Variants in ZNF774 observed in about 807,000 individuals in gnomAD.
The protein encoded by ZNF774 is zinc finger protein 774.
ZNF774 carries 14 observed loss-of-function variants against 11.1 expected under a neutral mutation model. The observed-to-expected ratio is 1.26, with a 90% CI of 0.83 to 1.97. ZNF774 has a LOEUF of 1.97. Among genes scored for constraint, ZNF774 ranks in the 30% most tolerant of loss-of-function variants. ZNF774 has a pLI of 0.00. For synonymous variants in ZNF774, 195 were observed against 212.6 expected, an observed-to-expected ratio of 0.92 and a Z score of 0.72; for missense variants, 599 against 587.0, an observed-to-expected ratio of 1.02 and a Z score of -0.21.
intron 2 of ZNF774, 72 bp from the exon 3 acceptor site, chr15:90,358,779 T>C: frequency 8.0e-7 from 1 of 1,246,378 alleles, no homozygotes. Context: ...AGGCAGGGAG[T>C]AGGGCTTGGA....
At chr15:90,359,285 G>T (rs1402198552) in intron 3 of ZNF774, among the ~76,000 whole-genome samples, 1 of 149,576 alleles carries the variant, frequency 6.7e-6, no homozygotes, top group Non-Finnish European at 1.5e-5. Flanking sequence ...TGTTAGCCAG[G>T]ATGGTCTCGA....
chr15:90,353,218 C>T (rs1311688830), intron 1 of ZNF774, among the ~76,000 whole-genome samples: 4 of 152,108 alleles, frequency 2.6e-5, no homozygotes, highest in African/African-American at 9.7e-5. Flanking sequence ...CCGCCCGTCT[C>T]GTCTTCCCAA....
In ZNF774 at chr15:90,360,866, G is replaced by T. The variant is rs1567102747; in HGVS notation, c.1035G>T (p.Arg345Ser). The change falls in exon 4 of 4, where the codon AGG becomes AGT. Residue 345 changes from arginine (R) to serine (S), a missense_variant. Arg to Ser is a moderately radical substitution (Grantham distance 110, BLOSUM62 -1). Transcript: ENST00000354377. ...ACATGAGCACTCATTCAGGAGAGAG[G>T]CCTTTCAGTTGTCCTGACTGCCACA... is the stretch of plus-strand genomic sequence containing the variant. ...VAHMSTHSGE[R>S]PFSCPDCHKS... 5.6e-6 allele frequency: 9 copies of T among 1,614,112 alleles called. No homozygotes were observed. Among genetic ancestry groups the T allele is most frequent in the South Asian group, 4.4e-5 (4 of 91,074 alleles).
At chr15:90,355,185 G>A (rs1964227071) in intron 2 of ZNF774, among the ~76,000 whole-genome samples, 1 of 152,180 alleles carries the variant, frequency 6.6e-6, no homozygotes, top group Admixed American at 6.5e-5. Flanking sequence ...TGGTATGTTG[G>A]CATCTTAGAG....
Position 90,360,293 on chromosome 15 carries a change from AGAATGCGG to A in ZNF774, c.466_473del (p.Cys156LysfsTer3). On this transcript the variant is annotated frameshift_variant, in exon 4 of 4. Transcript: ENST00000354377. LOFTEE classifies it low-confidence loss of function (END_TRUNC). ...ATGTAGGAGAGAAGCCTATGTGTGC[AGAATGCGG>A]GAAAAGCTTTAACCAGAGTTCCTAT... is the stretch of plus-strand genomic sequence containing the variant. 1 of 1,614,134 alleles carries A rather than the reference AGAATGCGG, an allele frequency of 6.2e-7. No homozygotes were observed. The highest frequency in any genetic ancestry group is 1.1e-5 in the South Asian group (1 of 91,090).
At position 90,362,627 on chromosome 15, in the gene ZNF774, G is replaced by A. The variant is rs897515996; in HGVS notation, c.*1344G>A. On this transcript the variant is annotated 3_prime_UTR_variant, in exon 4 of 4. Transcript: ENST00000354377. ...CGGCAAGTGTGTTGGAAAGAACACC[G>A]ACTTCATTGAGAAGGTAAAGTATTT... 1.1e-5 allele frequency: 17 copies of A among 1,500,764 alleles called. No individual in the cohort carries two copies. The highest frequency in any genetic ancestry group is 1.7e-4 in the Middle Eastern group (1 of 5,952). 93.0% of individuals were successfully genotyped at this position (1,500,764 alleles called of 1,614,324 possible).
intron 2 of ZNF774, among the ~76,000 whole-genome samples, chr15:90,357,436 G>A (rs79171351): frequency 0.029 from 4,442 of 152,260 alleles, 181 homozygotes; most frequent in African/African-American, 0.099. Context: ...CCAGGAGCTC[G>A]AGGATGCAGT....
chr15:90,353,273 G>GA (rs1421888534), intron 1 of ZNF774, among the ~76,000 whole-genome samples: 5 of 152,076 alleles, frequency 3.3e-5, no homozygotes, highest in African/African-American at 1.2e-4. Context: ...GGCCAATACT[G>GA]AAAACTCTTA....
At position 90,360,498 on chromosome 15, in the gene ZNF774, A is replaced by G. The variant is rs199770009; in HGVS notation, c.667A>G (p.Ile223Val). The G allele has an allele frequency of 1.2e-6, 2 of 1,614,050 alleles. No individual in the cohort carries two copies. Among genetic ancestry groups the G allele is most frequent in the African/African-American group, 2.7e-5 (2 of 75,032 alleles). The change falls in exon 4 of 4, where the codon ATC (isoleucine) becomes GTC (valine). Residue 223 changes from isoleucine to valine, a missense_variant. Physicochemically the swap from Ile to Val is conservative, Grantham distance 29. Coordinates refer to ENST00000354377, the MANE Select transcript of ZNF774 (RefSeq NM_001004309.3). ...EKKFSDSSTL[I>V]KHQRTHTGER... is the part of the protein sequence containing the mutation. ...GAAATTCAGCGACAGCTCAACACTC[A>G]TCAAACATCAGAGAACCCACACAGG... is the stretch of plus-strand genomic sequence containing the variant.
chr15:90,359,476 A>T (rs1199700780), intron 3 of ZNF774, among the ~76,000 whole-genome samples: 1 of 150,776 alleles, frequency 6.6e-6, no homozygotes, highest in African/African-American at 2.4e-5. Flanking sequence ...TTTTTTTGAG[A>T]TGGAGTCTCC....
In ZNF774 at chr15:90,362,205, T is replaced by C; in HGVS notation, c.*922T>C. On this transcript the variant is annotated 3_prime_UTR_variant, in exon 4 of 4. Transcript: ENST00000354377. ...CTGTGCAGGCATTAGTCACCAGAGG[T>C]CTCACTGCCATGACAAGGCCAAATT... 1 of 250,730 alleles carries C rather than the reference T, an allele frequency of 4.0e-6. No individual in the cohort carries two copies. Among genetic ancestry groups the C allele is most frequent in the African/African-American group, 2.2e-5 (1 of 46,072 alleles). The allele number at this position is 250,730 out of a possible 1,614,324, so 15.5% of individuals were successfully genotyped here.
rs1170537597 is a variant in ZNF774, at chr15:90,361,968, C to CT, written c.*687dup. On this transcript the variant is annotated 3_prime_UTR_variant, in exon 4 of 4. Transcript: ENST00000354377. Reference sequence around the variant, plus strand: ...ATTATTAATGATTAATAGTTGAGGTCTTATATAAAGGCTTTAATGCAGTAC... The same window carrying CT: ...ATTATTAATGATTAATAGTTGAGGTCTTTATATAAAGGCTTTAATGCAGTAC... 6.5e-6 allele frequency: 1 copy of CT among 154,136 alleles called. No homozygotes were observed. The highest frequency in any genetic ancestry group is 1.4e-5 in the Non-Finnish European group (1 of 69,388). 9.5% of individuals were successfully genotyped at this position (154,136 alleles called of 1,614,324 possible).
In ZNF774 at chr15:90,362,805, A is replaced by G. The variant is rs1286105777; in HGVS notation, c.*1522A>G. On this transcript the variant is annotated 3_prime_UTR_variant, in exon 4 of 4. Transcript: ENST00000354377. Reference sequence around the variant, plus strand: ...CACACACTTTGTTGGTTAACTATAAATGTAATATCTCTATGTTATAATTCT... The same window carrying G: ...CACACACTTTGTTGGTTAACTATAAGTGTAATATCTCTATGTTATAATTCT... The G allele has an allele frequency of 2.1e-6, 1 of 487,322 alleles. No individual in the cohort carries two copies. Among genetic ancestry groups the G allele is most frequent in the Non-Finnish European group, 3.7e-6 (1 of 272,130 alleles). 30.2% of individuals were successfully genotyped at this position (487,322 alleles called of 1,614,324 possible). A position where few individuals can be genotyped will look rare whatever the true frequency, so the allele number is the denominator to read the frequency against.
In ZNF774 at chr15:90,358,819, G is replaced by C. The variant is rs761295057; in HGVS notation, c.105-32G>C. 2.5e-6 allele frequency: 4 copies of C among 1,592,230 alleles called. No homozygotes were observed. In the African/African-American group the frequency reaches 4.0e-5, roughly 16 times the overall value. Reference sequence around the variant, plus strand: ...GCTCAGGCCTTGTGTGATTGGCTCAGACTCACATCCTATGTTTACATTCCT... The same window carrying C: ...GCTCAGGCCTTGTGTGATTGGCTCACACTCACATCCTATGTTTACATTCCT... On this transcript the variant is annotated intron_variant, in intron 2 of 3. Transcript: ENST00000354377.
Position 90,354,690 on chromosome 15 carries a change from G to A in ZNF774, c.30G>A (p.Gly10=). The change falls in exon 2 of 4, where the codon GGG becomes GGA. Residue 10 remains glycine, a synonymous_variant. Transcript: ENST00000354377. MWLGTSGKS[G]LPGHCLENPL... ...GGCTGGGGACTTCAGGGAAGAGTGG[G>A]TTACCTGGACACTGCTTAGAGAATC... 6.2e-7 allele frequency: 1 copy of A among 1,611,456 alleles called. No individual in the cohort carries two copies. Among genetic ancestry groups the A allele is most frequent in the Non-Finnish European group, 8.5e-7 (1 of 1,178,958 alleles).
chr15:90,353,425 A>AGTGTGT (rs56080142), intron 1 of ZNF774, among the ~76,000 whole-genome samples: 4,837 of 139,358 alleles, frequency 0.035, 119 homozygotes, highest in African/African-American at 0.053. Flanking sequence ...TTCCCCCAAA[A>AGTGTGT]GTGTGTGTGT....
In ZNF774 at chr15:90,360,699, C is replaced by G. The variant is rs754065755; in HGVS notation, c.868C>G (p.Pro290Ala). ...CCAGAGGACCCACACAGGGGTGAAG[C>G]CTTACAGGTGTAATGACTGTGGGGA... The part of the protein sequence containing the change: ...THQRTHTGVK[P>A]YRCNDCGESF... The change falls in exon 4 of 4, where the codon CCT becomes GCT. Residue 290 changes from proline (P) to alanine (A), a missense_variant. Transcript: ENST00000354377. The G allele has an allele frequency of 2.0e-5, 33 of 1,614,080 alleles. No homozygotes were observed. The highest frequency in any genetic ancestry group is 2.7e-5 in the Non-Finnish European group (32 of 1,180,052).
intron 3 of ZNF774, among the ~76,000 whole-genome samples, chr15:90,359,747 G>A (rs1189934709): frequency 6.6e-6 from 1 of 152,220 alleles, no homozygotes; most frequent in Non-Finnish European, 1.5e-5. Context: ...GAGCCACCAC[G>A]CCTGGCCTAA....
intron 2 of ZNF774, among the ~76,000 whole-genome samples, chr15:90,355,812 C>G (rs1964238252): frequency 6.7e-6 from 1 of 149,210 alleles, no homozygotes; most frequent in South Asian, 2.1e-4. Context: ...AGGGAGATCA[C>G]AAGGTCAGGA....
Sources: allele counts gnomAD v4.1 joint callset (sites outside exome capture counted in the v4.1 genomes callset), GRCh38; gene constraint gnomAD v4.1.1; transcripts MANE v1.5; gene names NCBI Gene and HGNC (gene_info 2026-07-23, HGNC 2026-07-21).